The following MCRS1 variants were observed in gnomAD, a reference collection of about 807,000 sequenced individuals.
MCRS1 encodes the protein microspherule protein 1, also known as 58 kDa microspherule protein.
Under a neutral mutation model 62.9 loss-of-function variants are expected in MCRS1, and 22 were observed. That is an observed-to-expected ratio of 0.35 (90% CI 0.25 to 0.50). MCRS1 has a LOEUF of 0.50. MCRS1 is among the 20% of genes least tolerant of loss of function. The probability of loss-of-function intolerance (pLI) is 0.98; values close to 1 mark genes in which losing one functional copy is unlikely to be tolerated. For missense variants in MCRS1, 456 were observed against 601.1 expected (o/e 0.76, Z 2.52); for synonymous variants, 244 against 233.5 (o/e 1.04, Z -0.41).
At chr12:49,564,437 G>A (rs748462764) in intron 6 of MCRS1, 44 bp downstream of exon 6, 20 of 1,524,272 alleles carry the variant, frequency 1.3e-5, no homozygotes, top group Non-Finnish European at 1.8e-5. Context: ...CCCAAATTCT[G>A]GTGTCCCAGT....
At chr12:49,563,313 T>G in intron 7 of MCRS1, 125 bp downstream of exon 7, 1 of 1,333,054 alleles carries the variant, frequency 7.5e-7, no homozygotes, top group East Asian at 2.5e-5. Context: ...CCCCTGCCAA[T>G]GTGCACACGT....
In MCRS1 at chr12:49,559,205, G is replaced by C. The variant is rs761218603; in HGVS notation, c.1174+9C>G. 1 of 1,612,486 alleles carries C rather than the reference G, an allele frequency of 6.2e-7. No individual in the cohort carries two copies. Among genetic ancestry groups the C allele is most frequent in the Non-Finnish European group, 8.5e-7 (1 of 1,178,808 alleles). ...ACTGCTTCCTGCTGGGGCAGGGGGT[G>C]GGGGATACCTTGTTTCCGGGATATC... On this transcript the variant is annotated intron_variant, in intron 13 of 14. Coordinates refer to ENST00000343810, the MANE Select transcript of MCRS1 (RefSeq NM_006337.5). The surrounding 1 kb of genome is among the most constrained non-coding windows in gnomAD (Gnocchi z 5.2).
chr12:49,564,377 G>T, intron 6 of MCRS1, 104 bp downstream of exon 6: 1 of 935,040 alleles, frequency 1.1e-6, no homozygotes, highest in Non-Finnish European at 1.6e-6. Flanking sequence ...CAGGAGTCCT[G>T]CCTCCCAGAC....
chr12:49,561,615 A>G (rs889998908), intron 8 of MCRS1, among the ~76,000 whole-genome samples: 2 of 152,234 alleles, frequency 1.3e-5, no homozygotes, highest in Non-Finnish European at 2.9e-5. Flanking sequence ...ATAAATTTAC[A>G]CAAAATAACT....
intron 8 of MCRS1, among the ~76,000 whole-genome samples, chr12:49,562,543 CAGAA>C (rs1270564530): frequency 6.6e-6 from 1 of 152,040 alleles, no homozygotes; most frequent in Admixed American, 6.6e-5. Flanking sequence ...AGAAGGAAGA[CAGAA>C]GGAAGAACGG....
At position 49,566,711 on chromosome 12, in the gene MCRS1, C is replaced by A; in HGVS notation, c.10+11G>T. 2 of 1,614,000 alleles carry A rather than the reference C, an allele frequency of 1.2e-6. No homozygotes were observed. The highest frequency in any genetic ancestry group is 1.1e-5 in the South Asian group (1 of 91,000). On this transcript the variant is annotated intron_variant, in intron 2 of 14. Coordinates refer to ENST00000343810, the MANE Select transcript of MCRS1 (RefSeq NM_006337.5). ...CCGAGCATTTGGGGAGCTGTCCCGG[C>A]CTCATACTACCTTTGTCCATCCTCT...
intron 2 of MCRS1, 34 bp downstream of exon 2, chr12:49,566,688 G>A (rs756896084): frequency 8.1e-6 from 13 of 1,613,718 alleles, no homozygotes; most frequent in South Asian, 3.3e-5. Flanking sequence ...CTTGGCGCCC[G>A]AGCATTTGGG....
In MCRS1 at chr12:49,566,267, G is replaced by A. The variant is rs542195872; in HGVS notation, c.11-52C>T. 5 of 1,585,610 alleles carry A rather than the reference G, an allele frequency of 3.2e-6. No homozygotes were observed. The African/African-American group carries it at 4.0e-5, about 13-fold the overall frequency. On this transcript the variant is annotated intron_variant, in intron 2 of 14. Transcript: ENST00000343810. Reference sequence around the variant, plus strand: ...GGCCTCCTAAGATCCTAGAGCCTCTGCAAATGGGACCCCTCCCCAGCCCCC... The same window carrying A: ...GGCCTCCTAAGATCCTAGAGCCTCTACAAATGGGACCCCTCCCCAGCCCCC...
rs1399916138 is a variant in MCRS1, at chr12:49,562,983, C to A, written c.805+18G>T. 6.3e-7 allele frequency: 1 copy of A among 1,591,812 alleles called. No homozygotes were observed. Among genetic ancestry groups the A allele is most frequent in the East Asian group, 2.2e-5 (1 of 44,496 alleles). ...GCACGTGCACACACCCCCATTCTGC[C>A]AGCTCCTGGGGCGTTACCTGTCTGG... On this transcript the variant is annotated intron_variant, in intron 8 of 14. Coordinates refer to ENST00000343810, the MANE Select transcript of MCRS1 (RefSeq NM_006337.5).
Position 49,566,206 on chromosome 12 carries a change from C to T in MCRS1, c.20G>A (p.Gly7Glu). 1.2e-6 allele frequency: 2 copies of T among 1,612,570 alleles called. No individual in the cohort carries two copies. Among genetic ancestry groups the T allele is most frequent in the Non-Finnish European group, 1.7e-6 (2 of 1,179,150 alleles). The change falls in exon 3 of 15, where the codon GGG becomes GAG. Residue 7 changes from glycine to glutamate, a missense_variant. By Grantham distance (98) the Gly-to-Glu change is moderately conservative. Transcript: ENST00000343810. The part of the protein sequence containing the change: MDKDSQ[G>E]LLDSSLMASG... ...TGCCATCAGGGATGAATCTAGCAGC[C>T]CCTGAGAATCTAGCAAGAGAGAAAT...
intron 8 of MCRS1, among the ~76,000 whole-genome samples, chr12:49,560,582 G>A (rs76814540): frequency 0.012 from 1,879 of 152,292 alleles, 20 homozygotes; most frequent in Non-Finnish European, 0.019. Flanking sequence ...GAAAGGGAAG[G>A]AAATTAAAAT....
rs761284538 is a variant in MCRS1 at position 49,564,914 on chromosome 12, C to T, written c.289-19G>A. 5.8e-6 allele frequency: 9 copies of T among 1,552,676 alleles called. No homozygotes were observed. The African/African-American group carries it at 9.6e-5, about 17-fold the overall frequency. On this transcript the variant is annotated intron_variant, in intron 4 of 14. Coordinates refer to ENST00000343810, the MANE Select transcript of MCRS1 (RefSeq NM_006337.5). ...TGGATACCTGGGCAGAGGACAGGAA[C>T]AAACCAAGCTCAAAGCCAGCATCCA...
intron 6 of MCRS1, among the ~76,000 whole-genome samples, chr12:49,564,130 G>C (rs943946851): frequency 6.6e-6 from 1 of 152,186 alleles, no homozygotes; most frequent in Non-Finnish European, 1.5e-5. Context: ...AACTGTAGGA[G>C]GTCAATGTGG....
intron 2 of MCRS1, 156 bp from the exon 3 acceptor site, chr12:49,566,371 G>A (rs770657701): frequency 6.4e-7 from 1 of 1,572,858 alleles, no homozygotes; most frequent in Non-Finnish European, 8.6e-7. Context: ...TGGCCATCCA[G>A]ATCCCATCTG....
At chr12:49,562,279 G>A (rs937766441) in intron 8 of MCRS1, among the ~76,000 whole-genome samples, 3 of 152,260 alleles carry the variant, frequency 2.0e-5, no homozygotes, top group Non-Finnish European at 2.9e-5. Flanking sequence ...AAGTGAGAAC[G>A]TGCTTGTACT....
chr12:49,560,448 G>T, intron 8 of MCRS1, 78 bp from the exon 9 acceptor site: 1 of 1,359,320 alleles, frequency 7.4e-7, no homozygotes, highest in South Asian at 1.2e-5. Context: ...AAGCCAAGTG[G>T]ACCAGCTGCA....
intron 7 of MCRS1, 97 bp downstream of exon 7, chr12:49,563,341 C>T: frequency 1.4e-6 from 2 of 1,384,044 alleles, no homozygotes; most frequent in Admixed American, 3.9e-5. Context: ...TGCACATATC[C>T]AGACAGTGGG....
intron 9 of MCRS1, 112 bp downstream of exon 9, chr12:49,560,183 G>T: frequency 2.3e-6 from 3 of 1,289,780 alleles, no homozygotes; most frequent in Non-Finnish European, 2.2e-6. Context: ...TCAGCCAGGG[G>T]GGGCCAAGCA....
In MCRS1 at chr12:49,558,544, C is replaced by T; in HGVS notation, c.*99G>A. ...CAATGGCCCGCAGCTGAGCCTCCCA[C>T]TGCCCAGGTTTTTCCAGGAGCCTGA... On this transcript the variant is annotated 3_prime_UTR_variant, in exon 15 of 15. Transcript: ENST00000343810. The T allele has an allele frequency of 7.8e-7, 1 of 1,281,618 alleles. No individual in the cohort carries two copies. Among genetic ancestry groups the T allele is most frequent in the Non-Finnish European group, 1.1e-6 (1 of 910,390 alleles). The allele number at this position is 1,281,618 out of a possible 1,614,324, so 79.4% of individuals were successfully genotyped here.
Sources: gnomAD v4.1 joint callset for allele counts (sites outside exome capture counted in the v4.1 genomes callset) on GRCh38, gnomAD v4.1.1 for gene constraint, Gnocchi (gnomAD v3.1) non-coding constraint, MANE v1.5 for transcripts, NCBI Gene and HGNC (gene_info 2026-07-23, HGNC 2026-07-21) for gene names.